Variants in COL19A1 observed in about 807,000 individuals in gnomAD.
The protein encoded by COL19A1 is collagen alpha-1(XIX) chain.
Under a neutral mutation model 190.2 loss-of-function variants are expected in COL19A1, and 159 were observed. The ratio of observed to expected loss-of-function variants is 0.84; its 90% confidence interval spans 0.73 to 0.95. The LOEUF is 0.95. COL19A1 is among the 40% of genes least tolerant of loss of function. COL19A1 has a pLI of 0.00. For missense variants in COL19A1, 1,418 were observed against 1,431.9 expected (o/e 0.99, Z 0.16); for synonymous variants, 509 against 458.9 (o/e 1.11, Z -1.39).
chr6:70,084,295 A>G (rs537068983), intron 15 of COL19A1, among the ~76,000 whole-genome samples: 1 of 152,278 alleles, frequency 6.6e-6, no homozygotes, highest in East Asian at 1.9e-4. Context: ...CTGAGATTTA[A>G]AGAAGTTAAT....
In COL19A1 at chr6:70,150,191, G is replaced by C. The variant is rs1786961380; in HGVS notation, c.2037+146G>C. ...GTTTATCCCCATTATTTTGTCGAGT[G>C]AAAAAAAATTCAGGCTGGATCAGCA... is the stretch of plus-strand genomic sequence containing the variant. On this transcript the variant is annotated intron_variant, in intron 30 of 50. Transcript: ENST00000620364. The C allele has an allele frequency of 1.1e-5, 9 of 813,126 alleles. No homozygotes were observed. The South Asian group carries it at 1.5e-4, about 13-fold the overall frequency. 50.4% of individuals were successfully genotyped at this position (813,126 alleles called of 1,614,324 possible).
intron 4 of COL19A1, among the ~76,000 whole-genome samples, chr6:69,916,688 TTTTA>T (rs1186117057): frequency 6.6e-6 from 1 of 152,226 alleles, no homozygotes; most frequent in African/African-American, 2.4e-5. Flanking sequence ...ATTGTAAACA[TTTTA>T]TTTATTCATT....
chr6:70,162,270 G>GA (rs1321761166), intron 35 of COL19A1, among the ~76,000 whole-genome samples: 6 of 151,902 alleles, frequency 3.9e-5, no homozygotes, highest in Non-Finnish European at 5.9e-5. Context: ...CTAACCTTTA[G>GA]AAGAGATAGT....
At chr6:70,106,385 G>C (rs1488599757) in intron 16 of COL19A1, among the ~76,000 whole-genome samples, 3 of 151,628 alleles carry the variant, frequency 2.0e-5, no homozygotes, top group Non-Finnish European at 4.4e-5. Flanking sequence ...TTTGTCCCCT[G>C]AGACATTATA....
At chr6:70,065,334 C>A (rs374609880) in intron 14 of COL19A1, among the ~76,000 whole-genome samples, 5 of 152,192 alleles carry the variant, frequency 3.3e-5, no homozygotes, top group African/African-American at 7.2e-5. Context: ...CTTTGACAAA[C>A]CTGACAAAAA....
chr6:69,921,026 CAT>C (rs1194949759), intron 4 of COL19A1, among the ~76,000 whole-genome samples: 1 of 1,040 alleles, frequency 9.6e-4, no homozygotes, highest in Non-Finnish European at 1.8e-3. Context: ...TATATATATT[CAT>C]ATATATCATA....
intron 16 of COL19A1, among the ~76,000 whole-genome samples, chr6:70,115,530 A>G (rs1462195321): frequency 6.6e-6 from 1 of 152,170 alleles, no homozygotes; most frequent in African/African-American, 2.4e-5. Flanking sequence ...AGTAAAACCT[A>G]ACATCAAAAA....
At chr6:69,896,628 ATAG>A (rs1561973677) in intron 2 of COL19A1, among the ~76,000 whole-genome samples, 1 of 151,682 alleles carries the variant, frequency 6.6e-6, no homozygotes, top group Non-Finnish European at 1.5e-5. Context: ...GCAATGTAGA[ATAG>A]TTTTTGTTGC....
intron 15 of COL19A1, among the ~76,000 whole-genome samples, chr6:70,084,883 G>A (rs1782490081): frequency 6.6e-6 from 1 of 152,084 alleles, no homozygotes. Flanking sequence ...AATCTCAAAA[G>A]GCATTAATTC....
chr6:70,135,378 T>C (rs942547562), intron 18 of COL19A1, among the ~76,000 whole-genome samples: 1 of 152,176 alleles, frequency 6.6e-6, no homozygotes, highest in African/African-American at 2.4e-5. Context: ...GAAAAGACTG[T>C]AATCAAGCCT....
chr6:70,036,691 A>G (rs1484456019), intron 14 of COL19A1, among the ~76,000 whole-genome samples: 1 of 152,104 alleles, frequency 6.6e-6, no homozygotes, highest in Admixed American at 6.5e-5. Flanking sequence ...AAGATCTTCT[A>G]TAGCCTGAAG....
At chr6:70,183,788 T>G (rs1766329637) in intron 44 of COL19A1, among the ~76,000 whole-genome samples, 1 of 152,230 alleles carries the variant, frequency 6.6e-6, no homozygotes, top group Admixed American at 6.5e-5. Context: ...CAGAATCCAT[T>G]CCAGCACAAT....
intron 14 of COL19A1, chr6:70,059,921 G>A: frequency 6.0e-6 from 2 of 330,658 alleles, no homozygotes; most frequent in South Asian, 2.5e-5. Flanking sequence ...AAATTAAATT[G>A]AAGAAGAAAA....
In COL19A1 at chr6:69,927,981, A is replaced by G. The variant is rs1165320363; in HGVS notation, c.339A>G (p.Lys113=). The change falls in exon 5 of 51, where the codon AAA becomes AAG. Residue 113 remains lysine (K), a synonymous_variant. Transcript: ENST00000620364. ...TGTTTCGAGTACGAAGAAACGCCAAAAAGGAACGGTGGTTTCTGTGGCAGG... is the reference window on the plus strand; with the variant it reads ...TGTTTCGAGTACGAAGAAACGCCAAGAAGGAACGGTGGTTTCTGTGGCAGG... ...AAMFRVRRNA[K]KERWFLWQVL... is the part of the protein sequence containing the mutation. 3.1e-6 allele frequency: 5 copies of G among 1,613,394 alleles called. No homozygotes were observed. The highest frequency in any genetic ancestry group is 4.2e-6 in the Non-Finnish European group (5 of 1,179,542).
chr6:70,171,659 C>T (rs1277902431), intron 40 of COL19A1, among the ~76,000 whole-genome samples: 1 of 152,190 alleles, frequency 6.6e-6, no homozygotes, highest in East Asian at 1.9e-4. Context: ...ATCTTTCATT[C>T]TAGTTCTTAT....
At position 69,885,598 on chromosome 6, in the gene COL19A1, A is replaced by C. The variant is rs559377080; in HGVS notation, c.91+5940A>C. Among the ~76,000 whole-genome samples the C allele has an allele frequency of 1.5e-3, 226 of 152,274 alleles. 1 individual carries two copies. The highest frequency in any genetic ancestry group is 5.8e-3 in the South Asian group (28 of 4,830). The stretch of plus-strand genomic sequence containing the variant: ...GATACATTTATCCTACATATCTGCT[A>C]TTTTGTACCCTTTGAAGTGCATTTC... On this transcript the variant is annotated intron_variant, in intron 2 of 50. Transcript: ENST00000620364.
intron 1 of COL19A1, among the ~76,000 whole-genome samples, chr6:69,874,147 A>G (rs1395876365): frequency 6.6e-6 from 1 of 152,110 alleles, no homozygotes; most frequent in Non-Finnish European, 1.5e-5. Flanking sequence ...GGTACCAGAG[A>G]TGTGTTCAGA....
chr6:70,096,180 G>A (rs1184961280), intron 15 of COL19A1, among the ~76,000 whole-genome samples: 1 of 151,046 alleles, frequency 6.6e-6, no homozygotes, highest in Non-Finnish European at 1.5e-5. Context: ...CTCCTGGGCT[G>A]GAGTGATCCT....
chr6:70,004,710 G>T (rs1299355348), intron 11 of COL19A1, among the ~76,000 whole-genome samples: 3 of 152,174 alleles, frequency 2.0e-5, no homozygotes, highest in African/African-American at 7.2e-5. Context: ...ATGCTTTTCA[G>T]CTCCATCAGG....
Sources: gnomAD v4.1 joint callset for allele counts (sites outside exome capture counted in the v4.1 genomes callset) on GRCh38, gnomAD v4.1.1 for gene constraint, MANE v1.5 for transcripts, NCBI Gene and HGNC (gene_info 2026-07-23, HGNC 2026-07-21) for gene names.